Variants in COG5 observed in about 807,000 individuals in gnomAD.
COG5 encodes component of oligomeric golgi complex 5, also known as conserved oligomeric Golgi complex subunit 5.
A neutral mutation model predicts 110.4 loss-of-function variants in COG5; 86 were observed. The observed-to-expected ratio is 0.78, with a 90% CI of 0.65 to 0.93. The LOEUF (loss-of-function observed/expected upper bound fraction) is 0.93. Ranked by LOEUF, COG5 falls within the 40% of genes least tolerant of loss-of-function variation. COG5 has a pLI of 0.00. For missense variants in COG5, 1,077 were observed against 987.0 expected, an observed-to-expected ratio of 1.09 and a Z score of -1.22; for synonymous variants, 360 against 334.6, an observed-to-expected ratio of 1.08 and a Z score of -0.83.
Position 107,230,655 on chromosome 7 carries a change from A to T in COG5, c.2128T>A (p.Ser710Thr), listed in dbSNP as rs1800708384. 3 of 1,613,536 alleles carry T rather than the reference A, an allele frequency of 1.9e-6. No homozygotes were observed. The highest frequency in any genetic ancestry group is 2.5e-6 in the Non-Finnish European group (3 of 1,179,490). Reference sequence around the variant, plus strand: ...ATCCGATAGGACTTTCCTAAATCAGATACTCGTCTACAGAATGGACCCACA... The same window carrying T: ...ATCCGATAGGACTTTCCTAAATCAGTTACTCGTCTACAGAATGGACCCACA... ...LAVGPFCRRV[S>T]DLGKSYRMLR... The change falls in exon 19 of 22, where the codon TCT (serine) becomes ACT (threonine). Residue 710 changes from serine (S) to threonine (T), a missense_variant. Physicochemically the swap from Ser to Thr is moderately conservative, Grantham distance 58 (BLOSUM62 1). Transcript: ENST00000297135.
At chr7:107,511,767 G>T (rs1254332567) in intron 6 of COG5, among the ~76,000 whole-genome samples, 1 of 152,096 alleles carries the variant, frequency 6.6e-6, no homozygotes, top group Non-Finnish European at 1.5e-5. Flanking sequence ...ATGTAATCCA[G>T]CATATAAACA....
rs750633373 is a variant in COG5, at chr7:107,372,663, A to G, written c.767T>C (p.Leu256Ser). ...TAATGCACTGTTGATATTTTCTTCT[A>G]AAGTAGCACAATATCCATCCACAAC... ...TSVVDGYCAT[L>S]EENINSALDI... The change falls in exon 8 of 22, where the codon TTA becomes TCA. Residue 256 changes from leucine (L) to serine (S), a missense_variant. Leu to Ser is a moderately radical substitution (Grantham distance 145). Coordinates refer to ENST00000297135, the MANE Select transcript of COG5 (RefSeq NM_006348.5). The G allele has an allele frequency of 2.5e-6, 4 of 1,613,672 alleles. No individual in the cohort carries two copies. The highest frequency in any genetic ancestry group is 2.2e-5 in the East Asian group (1 of 44,802).
chr7:107,414,418 C>A (rs1448630278), intron 6 of COG5, among the ~76,000 whole-genome samples: 1 of 152,016 alleles, frequency 6.6e-6, no homozygotes, highest in Non-Finnish European at 1.5e-5. Context: ...GAGACTAGTG[C>A]TTTTAGTGGA....
At chr7:107,550,157 A>G (rs940686363) in intron 3 of COG5, among the ~76,000 whole-genome samples, 7 of 152,102 alleles carry the variant, frequency 4.6e-5, no homozygotes, top group African/African-American at 7.2e-5. Context: ...TTTTGAGACT[A>G]AAATCCTAGG....
chr7:107,242,480 C>A (rs572009533), intron 17 of COG5, among the ~76,000 whole-genome samples: 1 of 152,228 alleles, frequency 6.6e-6, no homozygotes, highest in African/African-American at 2.4e-5. Flanking sequence ...CCTGGGCCTC[C>A]AGCCATCCCC....
At chr7:107,368,068 G>A (rs2129048493) in intron 8 of COG5, among the ~76,000 whole-genome samples, 1 of 152,172 alleles carries the variant, frequency 6.6e-6, no homozygotes, top group Non-Finnish European at 1.5e-5. Flanking sequence ...TGGGGGGCGG[G>A]AAGGGAAAAG....
chr7:107,511,138 A>G (rs1052077909), intron 6 of COG5, among the ~76,000 whole-genome samples: 1 of 150,758 alleles, frequency 6.6e-6, no homozygotes, highest in Non-Finnish European at 1.5e-5. Flanking sequence ...CAAAACTGAT[A>G]GACTGCTAGC....
At chr7:107,210,798 T>C (rs1008262078) in intron 20 of COG5, among the ~76,000 whole-genome samples, 193 bp from the exon 21 acceptor site, 7 of 152,250 alleles carry the variant, frequency 4.6e-5, no homozygotes, top group African/African-American at 1.7e-4. Context: ...GATTTGCCAA[T>C]TGATGGTGGG....
chr7:107,544,616 A>AG (rs1269132920), intron 5 of COG5, among the ~76,000 whole-genome samples: 1 of 152,216 alleles, frequency 6.6e-6, no homozygotes, highest in Non-Finnish European at 1.5e-5. Flanking sequence ...AGACCACACC[A>AG]GAAAGCCTGC....
chr7:107,441,255 CAAAA>C (rs551026030), intron 6 of COG5, among the ~76,000 whole-genome samples: 1 of 71,340 alleles, frequency 1.4e-5, no homozygotes, highest in Non-Finnish European at 2.6e-5. Context: ...GACTCCGTCT[CAAAA>C]AAAAAAAAAA....
intron 11 of COG5, among the ~76,000 whole-genome samples, chr7:107,307,624 C>A (rs1008696960): frequency 6.6e-6 from 1 of 152,082 alleles, no homozygotes; most frequent in African/African-American, 2.4e-5. Flanking sequence ...TATATAGCCA[C>A]AGGAGGTCAT....
At chr7:107,335,527 C>T (rs1023257300) in intron 10 of COG5, among the ~76,000 whole-genome samples, 4 of 151,978 alleles carry the variant, frequency 2.6e-5, no homozygotes, top group South Asian at 2.1e-4. Flanking sequence ...TACTTAAGCG[C>T]TAACAAAATA....
At chr7:107,319,823 T>A (rs1809096795) in intron 11 of COG5, among the ~76,000 whole-genome samples, 1 of 151,944 alleles carries the variant, frequency 6.6e-6, no homozygotes, top group Admixed American at 6.6e-5. Flanking sequence ...ACCTGCTGGG[T>A]GTGGTAGTGC....
chr7:107,495,236 A>G lies in COG5; in HGVS notation c.538+32001T>C, dbSNP rs148539265. On this transcript the variant is annotated intron_variant, in intron 6 of 21. Transcript: ENST00000297135. ...TAGGGAAGAAACACACAAAGGAAAA[A>G]GAGGTAAGGGCCATAATTTTAGTAC... Among the ~76,000 whole-genome samples the G allele has an allele frequency of 6.8e-4, 103 of 152,318 alleles. 1 individual carries two copies. The East Asian group carries it at 0.018, about 26-fold the overall frequency.
At position 107,201,851 on chromosome 7, in the gene COG5, A is replaced by ATAT. The variant is rs1798343575; in HGVS notation, c.*1664_*1665insATA. 2 of 154,662 alleles carry ATAT rather than the reference A, an allele frequency of 1.3e-5. No homozygotes were observed. The highest frequency in any genetic ancestry group is 2.9e-5 in the Non-Finnish European group (2 of 69,508). The allele number at this position is 154,662 out of a possible 1,614,324, so 9.6% of individuals were successfully genotyped here. ...CTGCTTATTAATCTGTATTGTACAC[A>ATAT]TGATGAAATGAAGCAGAAGCTGGGA... is the stretch of plus-strand genomic sequence containing the variant. On this transcript the variant is annotated 3_prime_UTR_variant, in exon 22 of 22. Transcript: ENST00000297135.
intron 6 of COG5, among the ~76,000 whole-genome samples, chr7:107,520,024 A>C (rs962812122): frequency 6.6e-6 from 1 of 152,202 alleles, no homozygotes; most frequent in Non-Finnish European, 1.5e-5. Flanking sequence ...CATCACATAA[A>C]CAGAACCAAT....
At position 107,285,456 on chromosome 7, in the gene COG5, T is replaced by C. The variant is rs560713712; in HGVS notation, c.1314-1724A>G. Reference sequence around the variant, plus strand: ...TCCTTGGTAACTACAATGTCAAACATCTTTTCTAAAATATGTCCTATATTA... The same window carrying C: ...TCCTTGGTAACTACAATGTCAAACACCTTTTCTAAAATATGTCCTATATTA... On this transcript the variant is annotated intron_variant, in intron 12 of 21. Transcript: ENST00000297135. 6.6e-5 allele frequency among the ~76,000 whole-genome samples: 10 copies of C among 152,318 alleles called. No homozygotes were observed. In the East Asian group the frequency reaches 1.7e-3, roughly 26 times the overall value.
At chr7:107,229,474 G>C (rs1446795480) in intron 19 of COG5, among the ~76,000 whole-genome samples, 1 of 152,062 alleles carries the variant, frequency 6.6e-6, no homozygotes, top group Non-Finnish European at 1.5e-5. Context: ...TCTTCTGTTT[G>C]TGCTATGATG....
intron 11 of COG5, among the ~76,000 whole-genome samples, chr7:107,300,835 A>C (rs1052063190): frequency 6.6e-6 from 1 of 152,158 alleles, no homozygotes. Flanking sequence ...TGAAAATGTA[A>C]AGAACCCAGA....
Sources: allele counts gnomAD v4.1 joint callset (sites outside exome capture counted in the v4.1 genomes callset), GRCh38; gene constraint gnomAD v4.1.1; transcripts MANE v1.5; gene names NCBI Gene and HGNC (gene_info 2026-07-23, HGNC 2026-07-21).